Variants in MALT1 observed in about 807,000 individuals in gnomAD.
The protein encoded by MALT1 is MALT1 paracaspase.
MALT1 carries 36 observed loss-of-function variants against 85.5 expected under a neutral mutation model. The ratio of observed to expected loss-of-function variants is 0.42; its 90% CI spans 0.32 to 0.56. The LOEUF (loss-of-function observed/expected upper bound fraction) is 0.56, where lower values mean the gene tolerates loss of function less well. Ranked by LOEUF, MALT1 falls within the 20% of genes least tolerant of loss-of-function variation. MALT1 has a pLI of 0.10. For synonymous variants in MALT1, 359 were observed against 361.3 expected (o/e 0.99, Z 0.07); for missense variants, 716 against 981.6 (o/e 0.73, Z 3.62).
At chr18:58,673,590 G>A (rs999439339) in intron 1 of MALT1, among the ~76,000 whole-genome samples, 4 of 152,112 alleles carry the variant, frequency 2.6e-5, no homozygotes, top group Admixed American at 1.3e-4. Flanking sequence ...GAGTAGCTGG[G>A]ATTACAGGCG....
chr18:58,679,938 CTT>C (rs1475450614), intron 1 of MALT1, among the ~76,000 whole-genome samples: 2 of 152,102 alleles, frequency 1.3e-5, no homozygotes, highest in African/African-American at 4.8e-5. Context: ...GGCTCCAGCT[CTT>C]TGGGAGGCAG....
intron 2 of MALT1, among the ~76,000 whole-genome samples, chr18:58,690,156 T>C (rs1432057421): frequency 6.6e-6 from 1 of 152,256 alleles, no homozygotes; most frequent in Non-Finnish European, 1.5e-5. Context: ...GCCTACTTCA[T>C]ATCTCTGTGT....
Position 58,742,029 on chromosome 18 carries a change from AT to A in MALT1, c.1753+21del. ...CAAGGCTCATGGTACGGTAAAGCCC[AT>A]TTTTTGTTAGATCTACAATATACTT... On this transcript the variant is annotated intron_variant, in intron 14 of 16. Coordinates refer to ENST00000649217, the MANE Select transcript of MALT1 (RefSeq NM_006785.4). The A allele has an allele frequency of 6.8e-7, 1 of 1,474,836 alleles. No individual in the cohort carries two copies. Among genetic ancestry groups the A allele is most frequent in the Non-Finnish European group, 9.2e-7 (1 of 1,091,148 alleles). 91.4% of individuals were successfully genotyped at this position (1,474,836 alleles called of 1,614,324 possible).
rs770254727 is a variant in MALT1 at position 58,744,317 on chromosome 18, GTTC to G, written c.1754-18_1754-16del. On this transcript the variant is annotated intron_variant, in intron 14 of 16. Transcript: ENST00000649217. ...TATCATCAGAAAACCTACCAAAGTTGTTCTTATTGTTCTTTTTCAGAACTTCCA... is the reference window on the plus strand; with the variant it reads ...TATCATCAGAAAACCTACCAAAGTTGTTATTGTTCTTTTTCAGAACTTCCA... 27 of 1,566,406 alleles carry G rather than the reference GTTC, an allele frequency of 1.7e-5. 1 individual carries two copies. The South Asian group carries it at 3.2e-4, about 19-fold the overall frequency.
intron 15 of MALT1, 49 bp downstream of exon 15, chr18:58,744,544 A>G (rs1240764471): frequency 1.6e-6 from 2 of 1,274,992 alleles, no homozygotes; most frequent in East Asian, 5.1e-5. Flanking sequence ...CTCACTTATT[A>G]AAGACTAAAT....
chr18:58,751,929 C>T lies in MALT1; in HGVS notation c.*4087C>T, dbSNP rs996770903. On this transcript the variant is annotated 3_prime_UTR_variant, in exon 17 of 17. Coordinates refer to ENST00000649217, the MANE Select transcript of MALT1 (RefSeq NM_006785.4). ...TCATTCAGTGATGAACAAGTCAAAA[C>T]GTTTCAGAAAAGAAAGCCTTTAAAG... 4.6e-5 allele frequency: 7 copies of T among 152,128 alleles called. No homozygotes were observed. The highest frequency in any genetic ancestry group is 6.6e-5 in the Admixed American group (1 of 15,264). 9.4% of individuals were successfully genotyped at this position (152,128 alleles called of 1,614,324 possible). A position where few individuals can be genotyped will look rare whatever the true frequency, so the allele number is the denominator to read the frequency against.
At chr18:58,732,823 A>G (rs1418130116) in intron 10 of MALT1, among the ~76,000 whole-genome samples, 1 of 151,660 alleles carries the variant, frequency 6.6e-6, no homozygotes, top group African/African-American at 2.4e-5. Flanking sequence ...GGTTACAAAT[A>G]TATTTTATAA....
Position 58,751,699 on chromosome 18 carries a change from A to G in MALT1, c.*3857A>G, listed in dbSNP as rs968501048. The G allele has an allele frequency of 6.6e-6, 1 of 152,242 alleles. No individual in the cohort carries two copies. Among genetic ancestry groups the G allele is most frequent in the African/African-American group, 2.4e-5 (1 of 41,464 alleles). 9.4% of individuals were successfully genotyped at this position (152,242 alleles called of 1,614,324 possible). On this transcript the variant is annotated 3_prime_UTR_variant, in exon 17 of 17. Coordinates refer to ENST00000649217, the MANE Select transcript of MALT1 (RefSeq NM_006785.4). Reference sequence around the variant, plus strand: ...TAATCTATCAAATCTGTCAATACCAATTAGAATGTAATAAAGAAATTAGGA... The same window carrying G: ...TAATCTATCAAATCTGTCAATACCAGTTAGAATGTAATAAAGAAATTAGGA...
intron 10 of MALT1, among the ~76,000 whole-genome samples, chr18:58,729,750 A>G (rs1055396098): frequency 2.6e-5 from 4 of 152,236 alleles, no homozygotes; most frequent in African/African-American, 9.6e-5. Flanking sequence ...TCCCAAATCC[A>G]AAACACTCCT....
chr18:58,698,255 CGG>C lies in MALT1; in HGVS notation c.498+1771_498+1772del, dbSNP rs368113131. Among the ~76,000 whole-genome samples, 341 of 151,726 alleles carry C rather than the reference CGG, an allele frequency of 2.2e-3. 3 individuals are homozygous for C. Among genetic ancestry groups the C allele is most frequent in the South Asian group, 0.014 (65 of 4,776 alleles). ...CTCATTTTTTGTGTTTTAGGAGAGA[CGG>C]GGTTTCACCATGTTGGCCAGGGTGG... On this transcript the variant is annotated intron_variant, in intron 3 of 16. Coordinates refer to ENST00000649217, the MANE Select transcript of MALT1 (RefSeq NM_006785.4).
chr18:58,716,001 T>A (rs1362850334), intron 9 of MALT1, 34 bp downstream of exon 9: 9 of 1,498,400 alleles, frequency 6.0e-6, no homozygotes, highest in Non-Finnish European at 7.4e-6. Flanking sequence ...TATCAAAGTA[T>A]AATTATTGTG....
intron 2 of MALT1, among the ~76,000 whole-genome samples, chr18:58,682,005 T>G (rs888385379): frequency 2.6e-5 from 4 of 152,166 alleles, no homozygotes; most frequent in Non-Finnish European, 5.9e-5. Context: ...GTTGCCTGGT[T>G]GTGGCAGCAC....
chr18:58,686,973 G>A (rs1164993991), intron 2 of MALT1, among the ~76,000 whole-genome samples: 4 of 152,290 alleles, frequency 2.6e-5, no homozygotes, highest in Non-Finnish European at 5.9e-5. Flanking sequence ...AACCAGGTCT[G>A]CTGACCCTGA....
intron 9 of MALT1, among the ~76,000 whole-genome samples, chr18:58,717,925 C>CATACAA (rs2054927390): frequency 6.6e-6 from 1 of 152,102 alleles, no homozygotes; most frequent in Non-Finnish European, 1.5e-5. Context: ...TAGAGAGGAG[C>CATACAA]ATACATATGT....
In MALT1 at chr18:58,753,942, T is replaced by A. The variant is rs1225086133; in HGVS notation, c.*6100T>A. Reference sequence around the variant, plus strand: ...TTTTTTCATGCTTGAGTTTAGTTGATAAATAGCATTTTAGATACTAAAAAT... The same window carrying A: ...TTTTTTCATGCTTGAGTTTAGTTGAAAAATAGCATTTTAGATACTAAAAAT... On this transcript the variant is annotated 3_prime_UTR_variant, in exon 17 of 17. Coordinates refer to ENST00000649217, the MANE Select transcript of MALT1 (RefSeq NM_006785.4). The A allele has an allele frequency of 6.6e-6, 1 of 152,240 alleles. No individual in the cohort carries two copies. The highest frequency in any genetic ancestry group is 1.5e-5 in the Non-Finnish European group (1 of 68,036). The allele number at this position is 152,240 out of a possible 1,614,324, so 9.4% of individuals were successfully genotyped here. A position where few individuals can be genotyped will look rare whatever the true frequency, so the allele number is the denominator to read the frequency against.
At chr18:58,682,582 G>A (rs955692764) in intron 2 of MALT1, among the ~76,000 whole-genome samples, 2 of 152,092 alleles carry the variant, frequency 1.3e-5, no homozygotes, top group Admixed American at 6.5e-5. Flanking sequence ...AACTAGCTTC[G>A]GTCAAATGCC....
At chr18:58,695,117 T>C (rs1052486566) in intron 2 of MALT1, among the ~76,000 whole-genome samples, 4 of 152,236 alleles carry the variant, frequency 2.6e-5, no homozygotes, top group African/African-American at 7.2e-5. Context: ...TCTGCCGCCA[T>C]GTGAGACATG....
chr18:58,712,795 T>C (rs1218592439), intron 7 of MALT1, among the ~76,000 whole-genome samples: 1 of 152,184 alleles, frequency 6.6e-6, no homozygotes. Flanking sequence ...CCCATAAATA[T>C]GTACGATTAT....
intron 7 of MALT1, among the ~76,000 whole-genome samples, chr18:58,711,794 G>A (rs935781695): frequency 1.3e-5 from 2 of 152,078 alleles, no homozygotes; most frequent in African/African-American, 4.8e-5. Flanking sequence ...TGTCTCTATA[G>A]TATCACTCTG....
Sources: gnomAD v4.1 joint callset for allele counts (sites outside exome capture counted in the v4.1 genomes callset) on GRCh38, gnomAD v4.1.1 for gene constraint, MANE v1.5 for transcripts, NCBI Gene and HGNC (gene_info 2026-07-23, HGNC 2026-07-21) for gene names.